BNIP5: variants seen among roughly 807,000 people sequenced by gnomAD.
BNIP5 encodes the protein BCL2 interacting protein 5, also known as protein BNIP5.
In BNIP5, 61 loss-of-function variants were observed where a neutral mutation model predicts 67.3. The ratio of observed to expected loss-of-function variants is 0.91; its 90% CI spans 0.74 to 1.12. BNIP5 has a LOEUF of 1.12. Ranked by LOEUF, BNIP5 falls within the 50% of genes most tolerant of loss-of-function variation. BNIP5 has a pLI of 0.00. For synonymous variants in BNIP5, 317 were observed against 319.0 expected, an observed-to-expected ratio of 0.99 and a Z score of 0.07; for missense variants, 826 against 816.3, an observed-to-expected ratio of 1.01 and a Z score of -0.14.
At chr6:36,322,851 T>C (rs1771667029) in intron 8 of BNIP5, among the ~76,000 whole-genome samples, 1 of 152,218 alleles carries the variant, frequency 6.6e-6, no homozygotes, top group South Asian at 2.1e-4. Flanking sequence ...TAGCAGGTAG[T>C]AGGCACTCTG....
chr6:36,326,836 A>G, intron 4 of BNIP5, 83 bp from the exon 5 acceptor site: 2 of 1,584,706 alleles, frequency 1.3e-6, no homozygotes, highest in Non-Finnish European at 1.7e-6. Flanking sequence ...AGAGCAGCCA[A>G]GCTGCAAGAT....
intron 1 of BNIP5, among the ~76,000 whole-genome samples, chr6:36,334,924 G>T (rs1227822796): frequency 1.3e-5 from 2 of 152,204 alleles, no homozygotes; most frequent in African/African-American, 4.8e-5. Flanking sequence ...GAGCAGCGTG[G>T]TCTCACTATG....
intron 3 of BNIP5, 58 bp from the exon 4 acceptor site, chr6:36,327,152 A>G: frequency 6.9e-7 from 1 of 1,446,900 alleles, no homozygotes; most frequent in Non-Finnish European, 9.7e-7. Context: ...AACTCCTTCT[A>G]AATTACCATC....
chr6:36,323,857 G>A (rs772843811), intron 7 of BNIP5, among the ~76,000 whole-genome samples: 20 of 152,048 alleles, frequency 1.3e-4, no homozygotes, highest in Non-Finnish European at 1.9e-4. Context: ...AAAATTAGCC[G>A]GGTGTGGTGG....
In BNIP5 at chr6:36,330,426, G is replaced by A. The variant is rs1771869014; in HGVS notation, c.265C>T (p.Gln89Ter). ...EETGDFLPSEQRPSQDTKKGW... is the reference protein window; with the variant it reads ...EETGDFLPSE Reference sequence around the variant, plus strand: ...TTCTTGGTGTCTTGCGAAGGCCTCTGCTCGCTGGGGAGAAAATCTCCGGTC... The same window carrying A: ...TTCTTGGTGTCTTGCGAAGGCCTCTACTCGCTGGGGAGAAAATCTCCGGTC... Residue 89 changes from glutamine to a stop codon, truncating the protein, a stop_gained, in exon 2 of 12, where the codon CAG (glutamine) becomes TAG (stop). Transcript: ENST00000437635. LOFTEE classifies it high-confidence loss of function. The A allele has an allele frequency of 6.2e-7, 1 of 1,614,068 alleles. No homozygotes were observed. The highest frequency in any genetic ancestry group is 1.3e-5 in the African/African-American group (1 of 74,930).
At chr6:36,321,539 G>A (rs540903733) in intron 9 of BNIP5, among the ~76,000 whole-genome samples, 19 of 152,266 alleles carry the variant, frequency 1.2e-4, no homozygotes, top group Non-Finnish European at 2.4e-4. Flanking sequence ...CTACAGGGTA[G>A]CACAGTCAAG....
rs1390050801 is a variant in BNIP5 at position 36,317,341 on chromosome 6, T to C, written c.*15A>G. On this transcript the variant is annotated 3_prime_UTR_variant, in exon 12 of 12. Coordinates refer to ENST00000437635, the MANE Select transcript of BNIP5 (RefSeq NM_001010903.5). Reference sequence around the variant, plus strand: ...TTTGGCTAGTTCAAGGGAATTTGAGTGCAAGACACAGCTTTCAATCTGGAC... The same window carrying C: ...TTTGGCTAGTTCAAGGGAATTTGAGCGCAAGACACAGCTTTCAATCTGGAC... The C allele has an allele frequency of 6.2e-7, 1 of 1,610,918 alleles. No individual in the cohort carries two copies. The highest frequency in any genetic ancestry group is 8.5e-7 in the Non-Finnish European group (1 of 1,177,064).
intron 2 of BNIP5, among the ~76,000 whole-genome samples, chr6:36,329,174 A>G (rs1027629720): frequency 6.6e-6 from 1 of 152,220 alleles, no homozygotes; most frequent in Non-Finnish European, 1.5e-5. Flanking sequence ...AGCCAAGTCT[A>G]GAACCAAGGC....
At chr6:36,328,876 C>T (rs1234467566) in intron 2 of BNIP5, among the ~76,000 whole-genome samples, 162 bp from the exon 3 acceptor site, 1 of 152,188 alleles carries the variant, frequency 6.6e-6, no homozygotes, top group African/African-American at 2.4e-5. Context: ...ATCAGAAACC[C>T]ACTAAGATTT....
At chr6:36,323,213 C>G in intron 8 of BNIP5, 80 bp downstream of exon 8, 1 of 1,581,320 alleles carries the variant, frequency 6.3e-7, no homozygotes, top group Non-Finnish European at 8.6e-7. Flanking sequence ...CTATGCCAGC[C>G]TGTCAACGAC....
chr6:36,328,759 C>T (rs372059148), intron 2 of BNIP5, 45 bp from the exon 3 acceptor site: 19 of 1,138,368 alleles, frequency 1.7e-5, no homozygotes, highest in South Asian at 8.6e-5. Context: ...TGTGTATGTG[C>T]GTGTGTCAGT....
At chr6:36,321,107 G>T in intron 10 of BNIP5, 48 bp downstream of exon 10, 1 of 977,606 alleles carries the variant, frequency 1.0e-6, no homozygotes, top group Non-Finnish European at 1.5e-6. Flanking sequence ...ACCCAGGTGG[G>T]TAGATGAGGC....
chr6:36,332,157 C>T (rs992738556), intron 1 of BNIP5, among the ~76,000 whole-genome samples: 1 of 152,234 alleles, frequency 6.6e-6, no homozygotes, highest in Non-Finnish European at 1.5e-5. Context: ...CTCTCTCACT[C>T]CACTCCACGC....
Position 36,323,329 on chromosome 6 carries a change from C to G in BNIP5, c.1435G>C (p.Val479Leu), listed in dbSNP as rs1318406656. ...GAGGTGGAGGGCCGATGGCCACCAA[C>G]ACACAGGGGCAGAAAGCTGGGCCTC... ...PKRPSFLPLC[V>L]GGHRPSTSSS... The change falls in exon 8 of 12, where the codon GTT becomes CTT. Residue 479 changes from valine to leucine, a missense_variant. By Grantham distance (32) the Val-to-Leu change is conservative (BLOSUM62 1). Transcript: ENST00000437635. 6 of 1,614,146 alleles carry G rather than the reference C, an allele frequency of 3.7e-6. No homozygotes were observed. Among genetic ancestry groups the G allele is most frequent in the Non-Finnish European group, 5.1e-6 (6 of 1,180,054 alleles).
At chr6:36,331,713 G>C (rs1194670462) in intron 1 of BNIP5, among the ~76,000 whole-genome samples, 1 of 152,090 alleles carries the variant, frequency 6.6e-6, no homozygotes, top group Admixed American at 6.5e-5. Context: ...TTAGAAAATA[G>C]ATATGGGGTC....
chr6:36,330,380 A>G lies in BNIP5; in HGVS notation c.311T>C (p.Leu104Pro), dbSNP rs1475204929. Residue 104 changes from leucine (L) to proline (P), a missense_variant, in exon 2 of 12, where the codon CTG becomes CCG. Physicochemically the swap from Leu to Pro is moderately conservative, Grantham distance 98. Coordinates refer to ENST00000437635, the MANE Select transcript of BNIP5 (RefSeq NM_001010903.5). ...DTKKGWLKTM[L>P]NFFVRTGPEE... ...AGGGCCCGTCCTCACGAAGAAGTTCAGCATGGTCTTCAGCCACCCCTTCTT... is the reference window on the plus strand; with the variant it reads ...AGGGCCCGTCCTCACGAAGAAGTTCGGCATGGTCTTCAGCCACCCCTTCTT... 14 of 1,614,064 alleles carry G rather than the reference A, an allele frequency of 8.7e-6. No homozygotes were observed. Among genetic ancestry groups the G allele is most frequent in the Admixed American group, 3.3e-5 (2 of 60,022 alleles).
chr6:36,330,796 G>A, intron 1 of BNIP5, 102 bp from the exon 2 acceptor site: 3 of 1,426,790 alleles, frequency 2.1e-6, no homozygotes, highest in South Asian at 1.5e-5. Context: ...CGGAGCCTCG[G>A]TCTATTGCCC....
chr6:36,319,723 A>G, intron 10 of BNIP5, 113 bp from the exon 11 acceptor site: 1 of 1,248,010 alleles, frequency 8.0e-7, no homozygotes, highest in Non-Finnish European at 1.1e-6. Flanking sequence ...CCCTGGGATG[A>G]GCTCCCCTTG....
At chr6:36,322,570 C>T (rs771013299) in intron 8 of BNIP5, 128 bp from the exon 9 acceptor site, 19 of 1,014,802 alleles carry the variant, frequency 1.9e-5, no homozygotes, top group African/African-American at 6.4e-5. Context: ...TTCCTGCCCC[C>T]GGCTCTGCCT....
Sources: gnomAD v4.1 joint callset for allele counts (sites outside exome capture counted in the v4.1 genomes callset) on GRCh38, gnomAD v4.1.1 for gene constraint, MANE v1.5 for transcripts, NCBI Gene and HGNC (gene_info 2026-07-23, HGNC 2026-07-21) for gene names.